Variants in DLGAP2 observed in about 807,000 individuals in gnomAD.
The protein encoded by DLGAP2 is DLG associated protein 2, also known as disks large-associated protein 2.
In DLGAP2, 26 loss-of-function variants were observed where a neutral mutation model predicts 100.3. The ratio of observed to expected loss-of-function variants is 0.26; its 90% CI spans 0.19 to 0.36. The LOEUF is 0.36. DLGAP2 is among the 10% of genes least tolerant of loss of function. The pLI is 1.00. For missense variants in DLGAP2, 1,858 were observed against 1,453.2 expected (o/e 1.28, Z -4.53); for synonymous variants, 886 against 630.1 (o/e 1.41, Z -6.08).
At chr8:1,129,862 C>T (rs1796249006) in intron 2 of DLGAP2, among the ~76,000 whole-genome samples, 1 of 152,080 alleles carries the variant, frequency 6.6e-6, no homozygotes, top group African/African-American at 2.4e-5. Flanking sequence ...GGCCTTGGAC[C>T]CCCAGGACCA....
intron 5 of DLGAP2, among the ~76,000 whole-genome samples, chr8:1,555,087 C>A (rs1302270249): frequency 6.6e-6 from 1 of 152,062 alleles, no homozygotes; most frequent in Non-Finnish European, 1.5e-5. Flanking sequence ...GATCTGGGGC[C>A]GTGAATGGAT....
At chr8:1,623,444 C>T (rs183434520) in intron 6 of DLGAP2, among the ~76,000 whole-genome samples, 1 of 144,044 alleles carries the variant, frequency 6.9e-6, no homozygotes, top group South Asian at 2.2e-4. Flanking sequence ...ACCAGTGCAT[C>T]ATGACCTGAC....
At chr8:1,191,741 CTATTTTTATG>C (rs1797644528) in intron 2 of DLGAP2, among the ~76,000 whole-genome samples, 1 of 152,170 alleles carries the variant, frequency 6.6e-6, no homozygotes, top group Admixed American at 6.5e-5. Context: ...CTTTACCCTC[CTATTTTTATG>C]TATTTTCCTT....
intron 2 of DLGAP2, among the ~76,000 whole-genome samples, chr8:1,115,690 G>A (rs1475291833): frequency 6.6e-6 from 1 of 152,166 alleles, no homozygotes; most frequent in East Asian, 1.9e-4. Flanking sequence ...TGTGCTGCCA[G>A]GGATCCCCAG....
chr8:772,574 C>T (rs530225796), intron 1 of DLGAP2, among the ~76,000 whole-genome samples: 17 of 152,320 alleles, frequency 1.1e-4, no homozygotes, highest in South Asian at 2.1e-4. Context: ...CTGCCTGCCT[C>T]GGCCTCCCAA....
intron 3 of DLGAP2, among the ~76,000 whole-genome samples, chr8:1,491,556 A>G (rs1487798731): frequency 6.6e-6 from 1 of 152,260 alleles, no homozygotes; most frequent in Admixed American, 6.5e-5. Context: ...CATGGTGGAC[A>G]TATCTTTAAG....
rs1458821192 is a variant in DLGAP2, at chr8:1,706,029, C to T, written c.*4623C>T. 6.6e-6 allele frequency: 1 copy of T among 152,238 alleles called. No homozygotes were observed. The highest frequency in any genetic ancestry group is 1.5e-5 in the Non-Finnish European group (1 of 68,074). 9.4% of individuals were successfully genotyped at this position (152,238 alleles called of 1,614,324 possible). The stretch of plus-strand genomic sequence containing the variant: ...AGGTCAGCTCAGAGCCCATGGCTTC[C>T]CTGCAGGAGCCCCATCTTGTCGCTA... On this transcript the variant is annotated 3_prime_UTR_variant, in exon 15 of 15. Transcript: ENST00000637795.
rs762688403 is a variant in DLGAP2, at chr8:1,036,738, C to T, written c.73+128772C>T. Among the ~76,000 whole-genome samples, 12 of 152,086 alleles carry T rather than the reference C, an allele frequency of 7.9e-5. No homozygotes were observed. The South Asian group carries it at 8.3e-4, about 11-fold the overall frequency. On this transcript the variant is annotated intron_variant, in intron 2 of 14. Coordinates refer to ENST00000637795, the MANE Select transcript of DLGAP2 (RefSeq NM_001346810.2). ...GGCTCAGAACAGCTCCCAGCTGTAG[C>T]GGAGCGTGGAGTGAACAGGAGGTGC...
intron 2 of DLGAP2, among the ~76,000 whole-genome samples, chr8:908,816 C>T (rs1467126089): frequency 1.3e-5 from 2 of 152,108 alleles, no homozygotes; most frequent in Non-Finnish European, 2.9e-5. Context: ...GTATTTGTGT[C>T]CCAGGATGTT....
chr8:789,477 C>T (rs1004664876), intron 1 of DLGAP2, among the ~76,000 whole-genome samples: 2 of 152,208 alleles, frequency 1.3e-5, no homozygotes, highest in Admixed American at 6.5e-5. Flanking sequence ...CCCACCAGGC[C>T]CCTCTTCCGA....
In DLGAP2 at chr8:1,669,742, G is replaced by C; in HGVS notation, c.2161-1G>C. ...CACTGTGGCTTCATTGTTTTGTTTA[G>C]GATTCTGAATTCCCAGAGCATCAGC... On this transcript the variant is annotated splice_acceptor_variant, in intron 9 of 14. Transcript: ENST00000637795. LOFTEE classifies it high-confidence loss of function. 2.6e-6 allele frequency: 2 copies of C among 780,906 alleles called. No homozygotes were observed. The highest frequency in any genetic ancestry group is 4.8e-6 in the Non-Finnish European group (2 of 417,976). 48.4% of individuals were successfully genotyped at this position (780,906 alleles called of 1,614,324 possible).
chr8:1,692,762 C>G (rs2130878584), intron 13 of DLGAP2, among the ~76,000 whole-genome samples: 1 of 151,972 alleles, frequency 6.6e-6, no homozygotes, highest in East Asian at 1.9e-4. Flanking sequence ...AACGAATATA[C>G]CATGAACTAG....
intron 1 of DLGAP2, among the ~76,000 whole-genome samples, chr8:867,208 A>G (rs1189920310): frequency 6.6e-6 from 1 of 152,242 alleles, no homozygotes; most frequent in Non-Finnish European, 1.5e-5. Context: ...TGCTTTATGC[A>G]AGAAAAATGC....
At chr8:1,036,801 A>G (rs1198623023) in intron 2 of DLGAP2, among the ~76,000 whole-genome samples, 3 of 152,188 alleles carry the variant, frequency 2.0e-5, no homozygotes, top group African/African-American at 7.2e-5. Flanking sequence ...AAAAGTGTCA[A>G]TAGGCAGTCA....
rs952092946 is a variant in DLGAP2, at chr8:1,702,439, G to T, written c.*1033G>T. ...GTGATGTAAAAAGTTTAAGAAATAT[G>T]AATGTGAGTGGTAAGTATATCTCAG... On this transcript the variant is annotated 3_prime_UTR_variant, in exon 15 of 15. Transcript: ENST00000637795. The T allele has an allele frequency of 6.5e-6, 1 of 152,702 alleles. No individual in the cohort carries two copies. The highest frequency in any genetic ancestry group is 2.1e-4 in the South Asian group (1 of 4,824). The allele number at this position is 152,702 out of a possible 1,614,324, so 9.5% of individuals were successfully genotyped here. A position where few individuals can be genotyped will look rare whatever the true frequency, so the allele number is the denominator to read the frequency against.
chr8:1,629,113 C>G (rs1309084382), intron 7 of DLGAP2, among the ~76,000 whole-genome samples: 1 of 152,216 alleles, frequency 6.6e-6, no homozygotes, highest in Non-Finnish European at 1.5e-5. Context: ...ACAAGTCTTT[C>G]TTTTGCCGCA....
intron 4 of DLGAP2, among the ~76,000 whole-genome samples, chr8:1,540,838 A>C (rs1229504323): frequency 6.6e-6 from 1 of 152,268 alleles, no homozygotes; most frequent in Admixed American, 6.5e-5. Context: ...AATGGTTTGA[A>C]ACCACACAAA....
chr8:1,177,709 T>C (rs1048225005), intron 2 of DLGAP2, among the ~76,000 whole-genome samples: 1 of 152,170 alleles, frequency 6.6e-6, no homozygotes, highest in African/African-American at 2.4e-5. Flanking sequence ...AGGCTGGAAG[T>C]CTGAGATTGA....
At chr8:1,663,229 G>A (rs1798459586) in intron 8 of DLGAP2, among the ~76,000 whole-genome samples, 1 of 151,910 alleles carries the variant, frequency 6.6e-6, no homozygotes, top group Non-Finnish European at 1.5e-5. Context: ...TGTGGGGTGT[G>A]AGTGTGTGTG....
Sources: gnomAD v4.1 joint callset for allele counts (sites outside exome capture counted in the v4.1 genomes callset) on GRCh38, gnomAD v4.1.1 for gene constraint, MANE v1.5 for transcripts, NCBI Gene and HGNC (gene_info 2026-07-23, HGNC 2026-07-21) for gene names.